The following KDM3B variants were observed in gnomAD, a reference collection of about 807,000 sequenced individuals.
The protein encoded by KDM3B is lysine-specific demethylase 3B.
A neutral mutation model predicts 170.0 loss-of-function variants in KDM3B; 10 were observed. That is an observed-to-expected ratio of 0.06 (90% CI 0.04 to 0.10). The LOEUF (loss-of-function observed/expected upper bound fraction) is 0.10, where lower values mean the gene tolerates loss of function less well. Among genes scored for constraint, KDM3B ranks in the 10% least tolerant of loss-of-function variants. KDM3B has a pLI of 1.00. For missense variants in KDM3B, 1,394 were observed against 2,195.2 expected, an observed-to-expected ratio of 0.64 and a Z score of 7.29; for synonymous variants, 831 against 834.8, an observed-to-expected ratio of 1.00 and a Z score of 0.08.
Position 138,383,658 on chromosome 5 carries a change from C to G in KDM3B, c.780+2068C>G, listed in dbSNP as rs74395162. Among the ~76,000 whole-genome samples, 268 of 152,126 alleles carry G rather than the reference C, an allele frequency of 1.8e-3. 2 individuals are homozygous for G. The highest frequency in any genetic ancestry group is 6.1e-3 in the African/African-American group (254 of 41,500). The stretch of plus-strand genomic sequence containing the variant: ...TGATTGTGATCTGCAACAGTGAAAA[C>G]TGGGTGGTGATAGAGATTGAGAAAG... On this transcript the variant is annotated intron_variant, in intron 6 of 23. Transcript: ENST00000314358.
chr5:138,427,107 A>G (rs764291017), intron 18 of KDM3B, 42 bp downstream of exon 18: 7 of 1,608,050 alleles, frequency 4.4e-6, no homozygotes, highest in Admixed American at 1.7e-5. Flanking sequence ...AGCCATCACA[A>G]AGTAATCACA....
At chr5:138,370,100 G>C (rs1229812642) in intron 1 of KDM3B, among the ~76,000 whole-genome samples, 1 of 152,078 alleles carries the variant, frequency 6.6e-6, no homozygotes, top group African/African-American at 2.4e-5. Flanking sequence ...GAAGGCAGGG[G>C]CTATGTCTTA....
At chr5:138,426,594 AAG>A in intron 17 of KDM3B, 1 of 161,206 alleles carries the variant, frequency 6.2e-6, no homozygotes, top group Non-Finnish European at 1.4e-5. Flanking sequence ...AAAAAAAAAA[AAG>A]ATTAGTCTCC....
intron 8 of KDM3B, 22 bp from the exon 9 acceptor site, chr5:138,393,144 ACTTTT>A: frequency 1.2e-6 from 2 of 1,610,854 alleles, no homozygotes. Context: ...CTCATGACAA[ACTTTT>A]CTTCTCTCCC....
In KDM3B at chr5:138,352,940, G is replaced by A; in HGVS notation, c.145G>A (p.Ala49Thr). ...GPALRTRAWR[A>T]GTVRAMSGAV... ...TGCGCTGCGCACTCGAGCCTGGCGGGCCGGCACGGTGCGGGCCATGAGCGG... is the reference window on the plus strand; with the variant it reads ...TGCGCTGCGCACTCGAGCCTGGCGGACCGGCACGGTGCGGGCCATGAGCGG... Residue 49 changes from alanine to threonine, a missense_variant, in exon 1 of 24, where the codon GCC becomes ACC. Ala to Thr is a moderately conservative substitution (Grantham distance 58, BLOSUM62 0). This residue lies in a region of KDM3B where 99 missense variants were observed against 97.5 expected (regional missense o/e 1.02). Transcript: ENST00000314358. The A allele has an allele frequency of 1.5e-6, 2 of 1,299,974 alleles. No individual in the cohort carries two copies. The highest frequency in any genetic ancestry group is 2.3e-5 in the South Asian group (1 of 44,242). The allele number at this position is 1,299,974 out of a possible 1,614,324, so 80.5% of individuals were successfully genotyped here.
intron 1 of KDM3B, among the ~76,000 whole-genome samples, chr5:138,369,745 A>G (rs1267207530): frequency 6.6e-6 from 1 of 152,174 alleles, no homozygotes; most frequent in East Asian, 1.9e-4. Context: ...AATACCCACC[A>G]TACCTTATTT....
At position 138,385,903 on chromosome 5, in the gene KDM3B, T is replaced by C. The variant is rs948352107; in HGVS notation, c.781-119T>C. On this transcript the variant is annotated intron_variant, in intron 6 of 23. Coordinates refer to ENST00000314358, the MANE Select transcript of KDM3B (RefSeq NM_016604.4). ...CAAAGGGGATGTTTTAGAACTGGCA[T>C]TGGAACTTGGCAGTCTATGCCTGCT... The C allele has an allele frequency of 2.5e-6, 3 of 1,177,056 alleles. No homozygotes were observed. The South Asian group carries it at 4.7e-5, about 19-fold the overall frequency. The allele number at this position is 1,177,056 out of a possible 1,614,324, so 72.9% of individuals were successfully genotyped here.
chr5:138,424,641 A>T (rs1763350136), intron 16 of KDM3B, among the ~76,000 whole-genome samples: 1 of 152,142 alleles, frequency 6.6e-6, no homozygotes, highest in Admixed American at 6.5e-5. Context: ...TTAGCTGGGC[A>T]TGGTGGTGGG....
At chr5:138,366,714 TAAACTC>T (rs1761753203) in intron 1 of KDM3B, among the ~76,000 whole-genome samples, 1 of 152,136 alleles carries the variant, frequency 6.6e-6, no homozygotes. Context: ...AGAGGCAACA[TAAACTC>T]AGATAGGTCT....
intron 10 of KDM3B, among the ~76,000 whole-genome samples, chr5:138,398,808 A>G (rs1479181613): frequency 1.3e-5 from 2 of 152,046 alleles, no homozygotes; most frequent in East Asian, 3.9e-4. Flanking sequence ...TACATTTCAA[A>G]TATTTCCATG....
intron 9 of KDM3B, among the ~76,000 whole-genome samples, chr5:138,395,861 G>A (rs1762533749): frequency 6.6e-6 from 1 of 152,016 alleles, no homozygotes; most frequent in Admixed American, 6.6e-5. Flanking sequence ...GAGGTGATCC[G>A]CTTGCCTCAG....
chr5:138,363,929 T>TC (rs397711711), intron 1 of KDM3B, among the ~76,000 whole-genome samples: 1 of 151,060 alleles, frequency 6.6e-6, no homozygotes, highest in Admixed American at 6.6e-5. Flanking sequence ...TTTTTTTTTT[T>TC]CGAGATGGAG....
intron 7 of KDM3B, 78 bp downstream of exon 7, chr5:138,386,699 T>G: frequency 6.6e-7 from 1 of 1,520,914 alleles, no homozygotes; most frequent in Non-Finnish European, 8.9e-7. Context: ...TTAAAAAACA[T>G]TCAAGTGCCC....
chr5:138,385,203 TAG>T (rs1762228042), intron 6 of KDM3B, among the ~76,000 whole-genome samples: 1 of 152,036 alleles, frequency 6.6e-6, no homozygotes, highest in Non-Finnish European at 1.5e-5. Context: ...GTATTTTTAG[TAG>T]AGACAGGGTT....
intron 11 of KDM3B, among the ~76,000 whole-genome samples, chr5:138,405,419 A>T (rs562949045): frequency 6.6e-6 from 1 of 152,150 alleles, no homozygotes; most frequent in East Asian, 1.9e-4. Context: ...AGGTGGGAGG[A>T]TCACTTGAGC....
intron 23 of KDM3B, among the ~76,000 whole-genome samples, chr5:138,434,596 A>G (rs1377258383): frequency 6.6e-6 from 1 of 151,572 alleles, no homozygotes; most frequent in East Asian, 1.9e-4. Flanking sequence ...TAGAATAACA[A>G]CTCCTGCTCC....
At chr5:138,365,971 C>G (rs1761735405) in intron 1 of KDM3B, among the ~76,000 whole-genome samples, 1 of 152,128 alleles carries the variant, frequency 6.6e-6, no homozygotes, top group African/African-American at 2.4e-5. Context: ...GTACTCTAGC[C>G]TGGGTGACAG....
chr5:138,353,726 G>A (rs1761388062), intron 1 of KDM3B, among the ~76,000 whole-genome samples: 1 of 152,170 alleles, frequency 6.6e-6, no homozygotes, highest in African/African-American at 2.4e-5. Context: ...CCTTGGGAGA[G>A]GTTTTGTTTT....
At chr5:138,370,937 T>C (rs1335465801) in intron 1 of KDM3B, among the ~76,000 whole-genome samples, 1 of 152,020 alleles carries the variant, frequency 6.6e-6, no homozygotes, top group Non-Finnish European at 1.5e-5. Flanking sequence ...GCCTCCTGAG[T>C]AGCTGGAATT....
Sources: gnomAD v4.1 joint callset for allele counts (sites outside exome capture counted in the v4.1 genomes callset) on GRCh38, gnomAD v4.1.1 for gene constraint, gnomAD v4.1.1 regional missense constraint, MANE v1.5 for transcripts, NCBI Gene and HGNC (gene_info 2026-07-23, HGNC 2026-07-21) for gene names.